PDE12: variants seen among roughly 807,000 people sequenced by gnomAD.
PDE12 encodes phosphodiesterase 12.
Under a neutral mutation model 45.4 loss-of-function variants are expected in PDE12, and 26 were observed. That is an observed-to-expected ratio of 0.57 (90% confidence interval 0.42 to 0.79). PDE12 has a LOEUF of 0.79. Ranked by LOEUF, PDE12 falls within the 30% of genes least tolerant of loss-of-function variation. The pLI, the probability that PDE12 is intolerant of heterozygous loss-of-function variation, is 0.00. For missense variants in PDE12, 668 were observed against 790.0 expected (o/e 0.85, Z 1.85); for synonymous variants, 283 against 323.9 (o/e 0.87, Z 1.36).
the PDE12 span, chr3:57,598,241 T>G: frequency 6.6e-6 from 1 of 152,110 alleles, no homozygotes; most frequent in African/African-American, 2.4e-5. Context: ...TGTATTAGAC[T>G]CATTGCCAGG....
chr3:57,606,263 T>C, the PDE12 span, among the ~76,000 whole-genome samples: 1 of 152,082 alleles, frequency 6.6e-6, no homozygotes, highest in Non-Finnish European at 1.5e-5. Flanking sequence ...AGGAACCATA[T>C]AGGAACAAAG....
chr3:57,574,934 C>T, the PDE12 span, among the ~76,000 whole-genome samples: 2 of 151,748 alleles, frequency 1.3e-5, no homozygotes, highest in East Asian at 2.0e-4. Context: ...CCGCAACCTC[C>T]ACCTCCTGGG....
chr3:57,602,478 GAT>G, the PDE12 span, among the ~76,000 whole-genome samples: 3 of 152,112 alleles, frequency 2.0e-5, no homozygotes, highest in Non-Finnish European at 4.4e-5. Flanking sequence ...TGAGTGTTTG[GAT>G]CGTTTGGCCC....
At chr3:57,618,346 T>C in the PDE12 span, among the ~76,000 whole-genome samples, 4 of 152,226 alleles carry the variant, frequency 2.6e-5, no homozygotes, top group Non-Finnish European at 4.4e-5. Flanking sequence ...CAATCATATT[T>C]ACAAATTTAA....
chr3:57,604,463 A>G, the PDE12 span, among the ~76,000 whole-genome samples: 1 of 152,096 alleles, frequency 6.6e-6, no homozygotes, highest in Non-Finnish European at 1.5e-5. Flanking sequence ...GAGGTTTGTT[A>G]AAACTGGAAT....
chr3:57,565,027 C>T lies in PDE12; in HGVS notation c.*5023C>T. 1 of 151,600 alleles carries T rather than the reference C, an allele frequency of 6.6e-6. No individual in the cohort carries two copies. The allele number at this position is 151,600 out of a possible 1,614,324, so 9.4% of individuals were successfully genotyped here. A position where few individuals can be genotyped will look rare whatever the true frequency, so the allele number is the denominator to read the frequency against. On this transcript the variant is annotated 3_prime_UTR_variant, in exon 3 of 3. Transcript: ENST00000311180. Reference sequence around the variant, plus strand: ...TAAATAAGACAGGGTGTTGCTGTTGCCCAGGCTGGAGCGCAGTGGCATGAT... The same window carrying T: ...TAAATAAGACAGGGTGTTGCTGTTGTCCAGGCTGGAGCGCAGTGGCATGAT...
chr3:57,606,676 T>C, the PDE12 span, among the ~76,000 whole-genome samples: 1 of 152,268 alleles, frequency 6.6e-6, no homozygotes, highest in Non-Finnish European at 1.5e-5. Context: ...AACTATAATA[T>C]AAAGACTGGA....
At chr3:57,623,027 T>C in the PDE12 span, among the ~76,000 whole-genome samples, 1 of 152,202 alleles carries the variant, frequency 6.6e-6, no homozygotes, top group African/African-American at 2.4e-5. Flanking sequence ...TATGGGTGTA[T>C]TCAAATGTGA....
At chr3:57,558,367 G>A (rs553910066) in intron 1 of PDE12, among the ~76,000 whole-genome samples, 15 of 152,158 alleles carry the variant, frequency 9.9e-5, no homozygotes, top group Non-Finnish European at 2.1e-4. Context: ...ATGGTGAAAT[G>A]AGTATTCAAA....
chr3:57,628,724 C>T, the PDE12 span: 19 of 1,363,012 alleles, frequency 1.4e-5, no homozygotes, highest in East Asian at 2.6e-4. Flanking sequence ...GTTACTTCTG[C>T]GAACTATCAT....
chr3:57,616,522 A>G, the PDE12 span, among the ~76,000 whole-genome samples: 1 of 152,122 alleles, frequency 6.6e-6, no homozygotes, highest in African/African-American at 2.4e-5. Context: ...GAGGAGAAGG[A>G]GAAGAAACAG....
At chr3:57,631,744 A>T in the PDE12 span, among the ~76,000 whole-genome samples, 25 of 103,950 alleles carry the variant, frequency 2.4e-4, no homozygotes, top group Non-Finnish European at 4.1e-4. Flanking sequence ...TTTTTTTGAG[A>T]CGGAGTCTCA....
At chr3:57,621,004 T>G in the PDE12 span, among the ~76,000 whole-genome samples, 1 of 152,120 alleles carries the variant, frequency 6.6e-6, no homozygotes, top group African/African-American at 2.4e-5. Flanking sequence ...TGTAAAGTAA[T>G]TAAGTAAGCA....
chr3:57,635,056 C>G, the PDE12 span, among the ~76,000 whole-genome samples: 6 of 152,110 alleles, frequency 3.9e-5, no homozygotes, highest in Admixed American at 3.9e-4. Context: ...TTTTGTCACT[C>G]AACCTGTAAT....
In PDE12 at chr3:57,563,972, T is replaced by G. The variant is rs1256259104; in HGVS notation, c.*3968T>G. 1 of 152,246 alleles carries G rather than the reference T, an allele frequency of 6.6e-6. No individual in the cohort carries two copies. The highest frequency in any genetic ancestry group is 1.5e-5 in the Non-Finnish European group (1 of 68,038). The allele number at this position is 152,246 out of a possible 1,614,324, so 9.4% of individuals were successfully genotyped here. ...ACTGACATGGGTAATATATAAGTTC[T>G]GTGTTCTCACTTTATATGAAAGTAC... On this transcript the variant is annotated 3_prime_UTR_variant, in exon 3 of 3. Transcript: ENST00000311180.
the PDE12 span, chr3:57,634,457 G>T: frequency 3.8e-5 from 19 of 501,220 alleles, no homozygotes; most frequent in East Asian, 8.2e-5. Flanking sequence ...AAAAAGGAGA[G>T]ATCCTATTTC....
chr3:57,612,089 TA>T, the PDE12 span, among the ~76,000 whole-genome samples: 1 of 151,444 alleles, frequency 6.6e-6, no homozygotes, highest in African/African-American at 2.4e-5. Context: ...ACGTCCTTTA[TA>T]GGGGCATGGA....
At chr3:57,617,706 A>AT in the PDE12 span, among the ~76,000 whole-genome samples, 16 of 151,922 alleles carry the variant, frequency 1.1e-4, no homozygotes, top group East Asian at 1.4e-3. Flanking sequence ...CTACAAAGAA[A>AT]TTTTTTTTAA....
At chr3:57,558,031 C>T (rs1047282379) in intron 1 of PDE12, among the ~76,000 whole-genome samples, 4 of 152,172 alleles carry the variant, frequency 2.6e-5, no homozygotes, top group African/African-American at 9.7e-5. Flanking sequence ...TTTTAAAGTA[C>T]TTAAAATTTA....
Sources: gnomAD v4.1 joint callset for allele counts (sites outside exome capture counted in the v4.1 genomes callset) on GRCh38, gnomAD v4.1.1 for gene constraint, MANE v1.5 for transcripts, NCBI Gene and HGNC (gene_info 2026-07-23, HGNC 2026-07-21) for gene names.